The following SLC16A12 variants were observed in gnomAD, a reference collection of about 807,000 sequenced individuals.
The protein encoded by SLC16A12 is solute carrier family 16 member 12.
In SLC16A12, 17 loss-of-function variants were observed where a neutral mutation model predicts 42.4. The observed-to-expected ratio is 0.40, with a 90% CI of 0.27 to 0.60. The LOEUF (loss-of-function observed/expected upper bound fraction) is 0.60, where lower values mean the gene tolerates loss of function less well. SLC16A12 is among the 20% of genes least tolerant of loss of function. The probability of loss-of-function intolerance (pLI) is 0.42; values close to 1 mark genes in which losing one functional copy is unlikely to be tolerated. For missense variants in SLC16A12, 544 were observed against 623.0 expected, an observed-to-expected ratio of 0.87 and a Z score of 1.35; for synonymous variants, 224 against 229.4, an observed-to-expected ratio of 0.98 and a Z score of 0.21.
intron 2 of SLC16A12, among the ~76,000 whole-genome samples, chr10:89,545,312 A>G: frequency 6.6e-6 from 1 of 152,206 alleles, no homozygotes; most frequent in East Asian, 1.9e-4. Flanking sequence ...TAATCAAGAA[A>G]TAACTAATAT....
chr10:89,482,236 C>CAAA (rs368466973), intron 2 of SLC16A12, among the ~76,000 whole-genome samples: 9 of 106,496 alleles, frequency 8.5e-5, no homozygotes, highest in African/African-American at 1.4e-4. Flanking sequence ...AAGAATACAC[C>CAAA]AAAAAAAAAA....
chr10:89,494,202 G>A (rs959351334), intron 2 of SLC16A12, among the ~76,000 whole-genome samples: 2 of 152,188 alleles, frequency 1.3e-5, no homozygotes, highest in African/African-American at 4.8e-5. Context: ...CATCAAAAAG[G>A]ACACGTAGCT....
At chr10:89,488,644 A>AT (rs1842800360) in intron 2 of SLC16A12, among the ~76,000 whole-genome samples, 1 of 152,232 alleles carries the variant, frequency 6.6e-6, no homozygotes, top group Non-Finnish European at 1.5e-5. Context: ...CTAACTGACA[A>AT]TAGTAACAGT....
At chr10:89,540,498 C>T (rs1437266644), upstream of SLC16A12, among the ~76,000 whole-genome samples, 1 of 152,090 alleles carries the variant, frequency 6.6e-6, no homozygotes, top group South Asian at 2.1e-4. Context: ...TTCCACTGTC[C>T]TTTCTTAATG....
chr10:89,548,826 C>A (rs149603668), intron 2 of SLC16A12, among the ~76,000 whole-genome samples: 135 of 152,190 alleles, frequency 8.9e-4, no homozygotes, highest in African/African-American at 3.1e-3. Context: ...AAAAAAAAGA[C>A]GCACTAACTG....
chr10:89,526,536 A>G (rs1162710987), intron 2 of SLC16A12, among the ~76,000 whole-genome samples: 3 of 152,252 alleles, frequency 2.0e-5, no homozygotes, highest in Admixed American at 2.0e-4. Context: ...TGAAACAATT[A>G]GGAGCTGCCA....
intron 3 of SLC16A12, among the ~76,000 whole-genome samples, chr10:89,459,311 T>G (rs980956417): frequency 1.5e-5 from 2 of 132,650 alleles, no homozygotes; most frequent in African/African-American, 6.9e-5. Flanking sequence ...CCAAGGCAGT[T>G]TTTTTAAAAA....
chr10:89,439,326 T>A (rs1841863954), intron 5 of SLC16A12, 143 bp from the exon 6 acceptor site: 2 of 791,648 alleles, frequency 2.5e-6, no homozygotes, highest in Non-Finnish European at 4.0e-6. Flanking sequence ...TTAAAATGAG[T>A]CTCCCCTCAC....
At chr10:89,526,822 G>A (rs1378996661) in intron 2 of SLC16A12, among the ~76,000 whole-genome samples, 2 of 104,578 alleles carry the variant, frequency 1.9e-5, no homozygotes, top group Non-Finnish European at 4.1e-5. Context: ...TCCCAGGAAT[G>A]TGCAAAATAC....
At chr10:89,513,554 TTAA>T (rs1343709395) in intron 2 of SLC16A12, among the ~76,000 whole-genome samples, 1 of 152,218 alleles carries the variant, frequency 6.6e-6, no homozygotes, top group Non-Finnish European at 1.5e-5. Flanking sequence ...CTGTAATGAA[TTAA>T]TAACAAATAT....
At chr10:89,477,851 C>T (rs932862592) in intron 2 of SLC16A12, among the ~76,000 whole-genome samples, 21 of 151,904 alleles carry the variant, frequency 1.4e-4, no homozygotes, top group Non-Finnish European at 2.5e-4. Context: ...GTTCTGAGAC[C>T]GGCCCCTGCC....
intron 2 of SLC16A12, among the ~76,000 whole-genome samples, chr10:89,478,970 C>G (rs1842621693): frequency 6.6e-6 from 1 of 152,174 alleles, no homozygotes; most frequent in Non-Finnish European, 1.5e-5. Context: ...TTGCCTTGTT[C>G]CTGAACTGAG....
chr10:89,516,317 G>A (rs775412837), intron 2 of SLC16A12, among the ~76,000 whole-genome samples: 4 of 152,162 alleles, frequency 2.6e-5, no homozygotes, highest in Non-Finnish European at 5.9e-5. Flanking sequence ...CCCTCCCGAT[G>A]ATGTCACCAC....
At chr10:89,443,688 T>C in intron 4 of SLC16A12, 68 bp downstream of exon 4, 2 of 1,131,298 alleles carry the variant, frequency 1.8e-6, no homozygotes, top group South Asian at 1.2e-5. Flanking sequence ...TCAAAGTCAG[T>C]GGAATGTCAT....
Position 89,511,474 on chromosome 10 carries a change from A to C in SLC16A12, c.-47+23027T>G, listed in dbSNP as rs371535750. 1.1e-4 allele frequency among the ~76,000 whole-genome samples: 16 copies of C among 152,332 alleles called. No homozygotes were observed. In the East Asian group the frequency reaches 2.9e-3, roughly 28 times the overall value. ...AACCCATCATTCTCAGCAAAGTAAC[A>C]CAAGAAGAGAAAACCAAATGCTGCA... On this transcript the variant is annotated intron_variant, in intron 2 of 7. Transcript: ENST00000371790.
intron 2 of SLC16A12, among the ~76,000 whole-genome samples, chr10:89,504,679 G>A (rs1264202509): frequency 6.6e-6 from 1 of 152,184 alleles, no homozygotes; most frequent in East Asian, 1.9e-4. Flanking sequence ...AATTAACAAA[G>A]ATGACCAGCC....
intron 2 of SLC16A12, among the ~76,000 whole-genome samples, chr10:89,477,704 A>G (rs985327631): frequency 6.6e-6 from 1 of 152,234 alleles, no homozygotes; most frequent in Admixed American, 6.5e-5. Flanking sequence ...GAATTTTCAA[A>G]TAAATTTTCT....
At chr10:89,520,453 G>T (rs140730657) in intron 2 of SLC16A12, among the ~76,000 whole-genome samples, 13 of 152,200 alleles carry the variant, frequency 8.5e-5, no homozygotes, top group Non-Finnish European at 1.6e-4. Context: ...TCTTCATGAG[G>T]TTCAAATTAG....
At chr10:89,472,121 T>C (rs2133769599) in intron 2 of SLC16A12, among the ~76,000 whole-genome samples, 1 of 152,302 alleles carries the variant, frequency 6.6e-6, no homozygotes, top group East Asian at 1.9e-4. Flanking sequence ...AGCCATTAAT[T>C]TTGATGAATT....
Sources: allele counts gnomAD v4.1 joint callset (sites outside exome capture counted in the v4.1 genomes callset), GRCh38; gene constraint gnomAD v4.1.1; transcripts MANE v1.5; gene names NCBI Gene and HGNC (gene_info 2026-07-23, HGNC 2026-07-21).